TRDMT1: variants seen among roughly 807,000 people sequenced by gnomAD.
TRDMT1 encodes the protein tRNA aspartic acid methyltransferase 1.
Under a neutral mutation model 51.2 loss-of-function variants are expected in TRDMT1, and 49 were observed. That is an observed-to-expected ratio of 0.96 (90% confidence interval 0.76 to 1.21). The LOEUF (loss-of-function observed/expected upper bound fraction) is 1.21. TRDMT1 is among the 50% of genes most tolerant of loss of function. The pLI is 0.00. For missense variants in TRDMT1, 534 were observed against 462.3 expected, an observed-to-expected ratio of 1.16 and a Z score of -1.42; for synonymous variants, 187 against 164.6, an observed-to-expected ratio of 1.14 and a Z score of -1.04.
intron 1 of TRDMT1, among the ~76,000 whole-genome samples, chr10:17,185,729 A>T (rs1390509129): frequency 6.6e-6 from 1 of 152,188 alleles, no homozygotes; most frequent in African/African-American, 2.4e-5. Context: ...ATGCAGCCAT[A>T]AAAAGGATGA....
intron 8 of TRDMT1, among the ~76,000 whole-genome samples, chr10:17,155,101 T>C (rs80055620): frequency 0.022 from 3,413 of 152,006 alleles, 143 homozygotes; most frequent in African/African-American, 0.078. Context: ...GGTGCGTGCC[T>C]ACCTCAGGAG....
chr10:17,174,449 T>C (rs2131518398), intron 2 of TRDMT1, 102 bp downstream of exon 2: 1 of 708,898 alleles, frequency 1.4e-6, no homozygotes, highest in Non-Finnish European at 2.3e-6. Flanking sequence ...AATTTATATA[T>C]GCTTTATCTT....
chr10:17,178,474 G>C (rs1210566666), intron 1 of TRDMT1, among the ~76,000 whole-genome samples: 1 of 152,094 alleles, frequency 6.6e-6, no homozygotes, highest in Non-Finnish European at 1.5e-5. Context: ...TTCGGAGTTT[G>C]AGACCAGCCT....
intron 10 of TRDMT1, chr10:17,151,885 G>T: frequency 9.4e-7 from 1 of 1,062,254 alleles, no homozygotes. Context: ...TCATTTTACA[G>T]AGAAGTAAAC....
At position 17,174,581 on chromosome 10, in the gene TRDMT1, A is replaced by G; in HGVS notation, c.144T>C (p.Pro48=). 1 of 1,613,818 alleles carries G rather than the reference A, an allele frequency of 6.2e-7. No individual in the cohort carries two copies. Among genetic ancestry groups the G allele is most frequent in the Non-Finnish European group, 8.5e-7 (1 of 1,179,752 alleles). ...TCGTCTTGGCAAGTAACTGTGTGTG[A>G]GGAAAATTATACTTGTATACTTCAT... ...VANEVYKYNF[P]HTQLLAKTIE... is the part of the protein sequence containing the mutation. The change falls in exon 2 of 11, where the codon CCT becomes CCC. Residue 48 remains proline (P), a synonymous_variant. Transcript: ENST00000377799.
intron 3 of TRDMT1, among the ~76,000 whole-genome samples, chr10:17,163,660 T>A (rs1251976083): frequency 6.6e-6 from 1 of 151,522 alleles, no homozygotes; most frequent in African/African-American, 2.4e-5. Context: ...ATCAAATAGA[T>A]GCAATAAAAA....
intron 1 of TRDMT1, among the ~76,000 whole-genome samples, chr10:17,175,434 C>T (rs1842509924): frequency 6.6e-6 from 1 of 152,008 alleles, no homozygotes; most frequent in Non-Finnish European, 1.5e-5. Context: ...CAATTGTAGC[C>T]GTAGCTATAT....
chr10:17,179,244 C>G (rs1404015343), intron 1 of TRDMT1, among the ~76,000 whole-genome samples: 1 of 152,024 alleles, frequency 6.6e-6, no homozygotes, highest in Admixed American at 6.6e-5. Flanking sequence ...CTTCTCCAGC[C>G]CCTCAACCCA....
At position 17,139,617 on chromosome 10, in the gene TRDMT1, G is replaced by T. The variant is rs1837529545; in HGVS notation, c.*9423C>A. ...ACCTTTAATTGGGAAGATAGACGCA[G>T]AAGCAGTACACACAGGCATCTTTAT... On this transcript the variant is annotated 3_prime_UTR_variant, in exon 11 of 11. Transcript: ENST00000377799. Among the ~76,000 whole-genome samples, 1 of 152,206 alleles carries T rather than the reference G, an allele frequency of 6.6e-6. No individual in the cohort carries two copies. Among genetic ancestry groups the T allele is most frequent in the South Asian group, 2.1e-4 (1 of 4,828 alleles).
chr10:17,159,318 A>C, intron 6 of TRDMT1, 89 bp from the exon 7 acceptor site: 1 of 854,956 alleles, frequency 1.2e-6, no homozygotes, highest in Non-Finnish European at 1.8e-6. Context: ...AACAACAAAA[A>C]ACTCAAACGA....
At position 17,147,604 on chromosome 10, in the gene TRDMT1, C is replaced by G. The variant is rs780956287; in HGVS notation, c.*1436G>C. 1 of 154,950 alleles carries G rather than the reference C, an allele frequency of 6.5e-6. No homozygotes were observed. Among genetic ancestry groups the G allele is most frequent in the Middle Eastern group, 3.3e-3 (1 of 302 alleles). The allele number at this position is 154,950 out of a possible 1,614,324, so 9.6% of individuals were successfully genotyped here. ...GGCTTATTTCACTTCGCATAATGTA[C>G]TCAAGGTTCATCCATGTCACCGCAT... On this transcript the variant is annotated 3_prime_UTR_variant, in exon 11 of 11. Coordinates refer to ENST00000377799, the MANE Select transcript of TRDMT1 (RefSeq NM_004412.7).
At position 17,184,575 on chromosome 10, in the gene TRDMT1, CATT is replaced by C. The variant is rs558833609; in HGVS notation, c.65-9918_65-9916del. Among the ~76,000 whole-genome samples the C allele has an allele frequency of 7.5e-4, 114 of 152,164 alleles. 1 individual carries two copies. The highest frequency in any genetic ancestry group is 2.4e-3 in the African/African-American group (101 of 41,526). ...CTCCTTGAAAGCTTCTAATTTTCAT[CATT>C]ATTGACTCAATAAAATTTCAAATCC... is the stretch of plus-strand genomic sequence containing the variant. On this transcript the variant is annotated intron_variant, in intron 1 of 10. Transcript: ENST00000377799.
At chr10:17,175,078 T>G (rs752250079) in intron 1 of TRDMT1, among the ~76,000 whole-genome samples, 1 of 152,248 alleles carries the variant, frequency 6.6e-6, no homozygotes, top group Non-Finnish European at 1.5e-5. Context: ...CTTCTCACAT[T>G]AATACAATGT....
chr10:17,177,728 A>G (rs11254426), intron 1 of TRDMT1, among the ~76,000 whole-genome samples: 18,758 of 150,110 alleles, frequency 0.12, 1,210 homozygotes, highest in Admixed American at 0.16. Flanking sequence ...ACACACACAC[A>G]CACACACACA....
chr10:17,185,840 G>A (rs911128701), intron 1 of TRDMT1, among the ~76,000 whole-genome samples: 7 of 152,030 alleles, frequency 4.6e-5, no homozygotes, highest in African/African-American at 1.7e-4. Flanking sequence ...CTCACTCATA[G>A]GTGGGAATTG....
At chr10:17,177,747 G>C (rs77290555) in intron 1 of TRDMT1, among the ~76,000 whole-genome samples, 9 of 64,392 alleles carry the variant, frequency 1.4e-4, no homozygotes, top group Non-Finnish European at 2.3e-4. Flanking sequence ...CACACACACA[G>C]ACATTTGAAT....
intron 1 of TRDMT1, among the ~76,000 whole-genome samples, chr10:17,184,446 AAT>A (rs1564329668): frequency 6.6e-6 from 1 of 151,036 alleles, no homozygotes; most frequent in Non-Finnish European, 1.5e-5. Flanking sequence ...CATATAGTAT[AAT>A]ATATATAATA....
chr10:17,196,496 G>A (rs1845453984), intron 1 of TRDMT1, among the ~76,000 whole-genome samples: 1 of 152,194 alleles, frequency 6.6e-6, no homozygotes, highest in Non-Finnish European at 1.5e-5. Context: ...TATAACCTGT[G>A]ACACTACTTC....
chr10:17,160,693 G>T (rs548010278), intron 5 of TRDMT1, among the ~76,000 whole-genome samples: 100 of 152,148 alleles, frequency 6.6e-4, no homozygotes, highest in Admixed American at 3.2e-3. Context: ...GGCTGGTCTA[G>T]AACTCCTGAC....
Sources: gnomAD v4.1 joint callset for allele counts (sites outside exome capture counted in the v4.1 genomes callset) on GRCh38, gnomAD v4.1.1 for gene constraint, MANE v1.5 for transcripts, NCBI Gene and HGNC (gene_info 2026-07-23, HGNC 2026-07-21) for gene names.